The following RALGDS variants were observed in gnomAD, a reference collection of about 807,000 sequenced individuals.
The protein encoded by RALGDS is ral guanine nucleotide dissociation stimulator, also known as ral guanine nucleotide exchange factor.
RALGDS carries 44 observed loss-of-function variants against 99.8 expected under a neutral mutation model. That is an observed-to-expected ratio of 0.44 (90% CI 0.35 to 0.57). RALGDS has a LOEUF of 0.57. RALGDS is among the 20% of genes least tolerant of loss of function. RALGDS has a pLI of 0.01. For missense variants in RALGDS, 1,022 were observed against 1,203.1 expected, an observed-to-expected ratio of 0.85 and a Z score of 2.23; for synonymous variants, 529 against 505.0, an observed-to-expected ratio of 1.05 and a Z score of -0.64.
At chr9:133,131,566 C>T (rs1254930514), upstream of RALGDS, among the ~76,000 whole-genome samples, 1 of 152,096 alleles carries the variant, frequency 6.6e-6, no homozygotes, top group Non-Finnish European at 1.5e-5. Flanking sequence ...TCCAACACCC[C>T]TGTCTTAATG....
chr9:133,102,217 A>G lies in RALGDS; in HGVS notation c.2010-78T>C, dbSNP rs765232781. ...CCCACAGCCCCTGCACCCTGCGCCCAAGGACTGTGCAAAGTGCTGGGACAG... is the reference window on the plus strand; with the variant it reads ...CCCACAGCCCCTGCACCCTGCGCCCGAGGACTGTGCAAAGTGCTGGGACAG... On this transcript the variant is annotated intron_variant, in intron 14 of 17. Coordinates refer to ENST00000372050, the MANE Select transcript of RALGDS (RefSeq NM_006266.4). 4.6e-4 allele frequency: 676 copies of G among 1,458,444 alleles called. 2 individuals are homozygous for G. Among genetic ancestry groups the G allele is most frequent in the Non-Finnish European group, 6.0e-4 (639 of 1,073,134 alleles). 90.3% of individuals were successfully genotyped at this position (1,458,444 alleles called of 1,614,324 possible). A position where few individuals can be genotyped will look rare whatever the true frequency, so the allele number is the denominator to read the frequency against.
chr9:133,129,142 G>C, intron 1 of RALGDS: 1 of 1,581,620 alleles, frequency 6.3e-7, no homozygotes, highest in East Asian at 2.3e-5. Flanking sequence ...AACTCACCTC[G>C]GTGGTGGCCG....
At chr9:133,115,913 A>G (rs1300811595) in intron 1 of RALGDS, among the ~76,000 whole-genome samples, 1 of 152,244 alleles carries the variant, frequency 6.6e-6, no homozygotes, top group Non-Finnish European at 1.5e-5. Flanking sequence ...CGTAAAACGC[A>G]TCACAGAAGG....
At chr9:133,149,133 C>A (rs1296129754) in exon 1 of RALGDS, 6 of 248,530 alleles carry the variant, frequency 2.4e-5, no homozygotes, top group Non-Finnish European at 3.2e-5. Context: ...CTCTGCGGCC[C>A]TCGGGGCCGC....
intron 1 of RALGDS, among the ~76,000 whole-genome samples, chr9:133,137,651 T>C (rs958350966): frequency 6.6e-6 from 1 of 152,232 alleles, no homozygotes; most frequent in Non-Finnish European, 1.5e-5. Flanking sequence ...AGCCAGGCTT[T>C]CTGGGAAGCA....
rs1054491911 is a variant in RALGDS, at chr9:133,097,789, C to G, written c.*798G>C. 15 of 222,236 alleles carry G rather than the reference C, an allele frequency of 6.7e-5. No individual in the cohort carries two copies. The East Asian group carries it at 9.1e-4, about 14-fold the overall frequency. The allele number at this position is 222,236 out of a possible 1,614,324, so 13.8% of individuals were successfully genotyped here. A position where few individuals can be genotyped will look rare whatever the true frequency, so the allele number is the denominator to read the frequency against. ...TGCTATTTACAACAAATAAATATTG[C>G]CCCTCCCCAATCAGTAAACAAACAT... On this transcript the variant is annotated 3_prime_UTR_variant, in exon 18 of 18. Coordinates refer to ENST00000372050, the MANE Select transcript of RALGDS (RefSeq NM_006266.4).
chr9:133,108,704 C>T lies in RALGDS; in HGVS notation c.747G>A (p.Glu249=). 2.5e-6 allele frequency: 4 copies of T among 1,613,738 alleles called. No homozygotes were observed. The highest frequency in any genetic ancestry group is 2.5e-6 in the Non-Finnish European group (3 of 1,179,996). The change falls in exon 5 of 18, where the codon GAG becomes GAA. Residue 249 remains glutamate (E), a synonymous_variant. Coordinates refer to ENST00000372050, the MANE Select transcript of RALGDS (RefSeq NM_006266.4). ...RRAHLLLAQL[E]HSEPIEAEPE... ...GCTCTGCCTCAATGGGTTCCGAGTG[C>T]TCCAGCTGGGCCAGGAGAAGGTGGG...
At chr9:133,103,129 A>G in intron 12 of RALGDS, 101 bp downstream of exon 12, 1 of 1,500,456 alleles carries the variant, frequency 6.7e-7, no homozygotes. Context: ...CAAATGTCCC[A>G]TGTCCCATGA....
chr9:133,148,288 A>G (rs889555441), intron 1 of RALGDS, among the ~76,000 whole-genome samples: 1 of 152,138 alleles, frequency 6.6e-6, no homozygotes, highest in Non-Finnish European at 1.5e-5. Flanking sequence ...CTTCCAGGTG[A>G]TCACAGCGGT....
upstream of RALGDS, among the ~76,000 whole-genome samples, chr9:133,136,081 C>T (rs1264347564): frequency 6.6e-6 from 1 of 152,046 alleles, no homozygotes; most frequent in African/African-American, 2.4e-5. Context: ...CCAGACCACG[C>T]GAATTTACTG....
chr9:133,105,819 GCC>G, intron 9 of RALGDS, 111 bp downstream of exon 9: 1 of 162,560 alleles, frequency 6.2e-6, no homozygotes, highest in Non-Finnish European at 1.1e-5. Context: ...ACCGCCCGCC[GCC>G]CCAGCCCCCG....
chr9:133,107,005 G>C, intron 7 of RALGDS, 80 bp downstream of exon 7: 1 of 1,506,156 alleles, frequency 6.6e-7, no homozygotes, highest in Non-Finnish European at 9.2e-7. Context: ...ACTGGGGCCT[G>C]TACAGGGCCT....
chr9:133,114,532 C>T (rs910960003), intron 1 of RALGDS, among the ~76,000 whole-genome samples: 2 of 152,334 alleles, frequency 1.3e-5, no homozygotes, highest in African/African-American at 4.8e-5. Flanking sequence ...AGGCAGGGTT[C>T]CAGCACCCAC....
At chr9:133,131,491 C>T (rs976951851), upstream of RALGDS, among the ~76,000 whole-genome samples, 2 of 152,106 alleles carry the variant, frequency 1.3e-5, no homozygotes, top group Non-Finnish European at 1.5e-5. Flanking sequence ...TGCCAGTGTC[C>T]TCTGCTGGGA....
At chr9:133,110,086 C>T (rs532954308) in intron 3 of RALGDS, among the ~76,000 whole-genome samples, 1 of 152,362 alleles carries the variant, frequency 6.6e-6, no homozygotes, top group Admixed American at 6.5e-5. Context: ...CCATTCCCTA[C>T]AGGGCCAGGC....
rs778661738 is a variant in RALGDS, at chr9:133,100,413, G to A, written c.2455-31C>T. On this transcript the variant is annotated intron_variant, in intron 16 of 17. Coordinates refer to ENST00000372050, the MANE Select transcript of RALGDS (RefSeq NM_006266.4). ...TCGCGGCGGGGGATGGACCATCAGG[G>A]AAAAGACCCTGGAGCGGCTCCCCCA... is the stretch of plus-strand genomic sequence containing the variant. 1.9e-6 allele frequency: 3 copies of A among 1,613,020 alleles called. No individual in the cohort carries two copies. The South Asian group carries it at 3.3e-5, about 18-fold the overall frequency.
At chr9:133,101,449 A>G in intron 16 of RALGDS, 71 bp downstream of exon 16, 4 of 1,604,112 alleles carry the variant, frequency 2.5e-6, no homozygotes, top group Non-Finnish European at 3.4e-6. Context: ...GAGGGCAGGG[A>G]TGGTGCACTG....
At chr9:133,148,826 G>A (rs1832668396) in intron 1 of RALGDS, 1 of 1,032,380 alleles carries the variant, frequency 9.7e-7, no homozygotes, top group Non-Finnish European at 1.4e-6. Context: ...TGTCCCGGGC[G>A]GGGTTGGACG....
upstream of RALGDS, among the ~76,000 whole-genome samples, chr9:133,131,894 C>T (rs532623533): frequency 6.6e-6 from 1 of 152,240 alleles, no homozygotes; most frequent in Non-Finnish European, 1.5e-5. Flanking sequence ...AAGAACTCAG[C>T]ATGGGCTCGG....
Sources: gnomAD v4.1 joint callset for allele counts (sites outside exome capture counted in the v4.1 genomes callset) on GRCh38, gnomAD v4.1.1 for gene constraint, MANE v1.5 for transcripts, NCBI Gene and HGNC (gene_info 2026-07-23, HGNC 2026-07-21) for gene names.